IL1RAPL1: variants seen among roughly 807,000 people sequenced by gnomAD.
IL1RAPL1 encodes the protein interleukin 1 receptor accessory protein like 1.
IL1RAPL1 carries 3 observed loss-of-function variants against 48.4 expected under a neutral mutation model. The ratio of observed to expected loss-of-function variants is 0.06; its 90% CI spans 0.03 to 0.16. The LOEUF (loss-of-function observed/expected upper bound fraction) is 0.16, where lower values mean the gene tolerates loss of function less well. Among genes scored for constraint, IL1RAPL1 ranks in the 10% least tolerant of loss-of-function variants. IL1RAPL1 has a pLI of 1.00. For missense variants in IL1RAPL1, 349 were observed against 530.6 expected, an observed-to-expected ratio of 0.66 and a Z score of 3.36; for synonymous variants, 185 against 187.7, an observed-to-expected ratio of 0.99 and a Z score of 0.12.
At chrX:29,226,444 C>CTTTTTTTTT (rs57929074) in intron 2 of IL1RAPL1, among the ~76,000 whole-genome samples, 1 of 86,888 alleles carries the variant, frequency 1.2e-5, no homozygotes, top group Non-Finnish European at 2.2e-5. Flanking sequence ...TTCTTTCTTT[C>CTTTTTTTTT]TTTTTTTTTT....
chrX:29,752,515 G>A (rs773323589), intron 6 of IL1RAPL1, among the ~76,000 whole-genome samples: 2,493 of 78,450 alleles, frequency 0.032, 90 homozygotes, highest in African/African-American at 0.11. Context: ...AAAAAAAAAA[G>A]ACTTGATAGA....
At chrX:29,878,864 C>T (rs912920864) in intron 6 of IL1RAPL1, among the ~76,000 whole-genome samples, 3 of 111,446 alleles carry the variant, frequency 2.7e-5, no homozygotes, top group Non-Finnish European at 5.7e-5. Flanking sequence ...GTTAACTATA[C>T]ACTTACCATA....
At chrX:29,385,431 G>A (rs1218732672) in intron 3 of IL1RAPL1, among the ~76,000 whole-genome samples, 1 of 112,176 alleles carries the variant, frequency 8.9e-6, no homozygotes, top group Non-Finnish European at 1.9e-5. Context: ...TCCAGCCTGG[G>A]CAACAGAGCG....
chrX:29,384,748 G>A (rs1933753051), intron 3 of IL1RAPL1, among the ~76,000 whole-genome samples: 1 of 112,124 alleles, frequency 8.9e-6, no homozygotes, highest in African/African-American at 3.2e-5. Context: ...GGTGGATGGT[G>A]TAGTATATGT....
At chrX:29,939,491 G>A (rs1185006310) in intron 8 of IL1RAPL1, among the ~76,000 whole-genome samples, 1 of 111,842 alleles carries the variant, frequency 8.9e-6, no homozygotes, top group Non-Finnish European at 1.9e-5. Context: ...CACAGGATTA[G>A]CCGCTCACCC....
intron 2 of IL1RAPL1, among the ~76,000 whole-genome samples, chrX:28,845,922 C>T (rs1480969218): frequency 8.9e-6 from 1 of 111,820 alleles, no homozygotes; most frequent in Non-Finnish European, 1.9e-5. Context: ...AATGGATGAG[C>T]TTATTGTGTT....
intron 5 of IL1RAPL1, among the ~76,000 whole-genome samples, chrX:29,644,397 T>C (rs759611057): frequency 8.9e-6 from 1 of 111,967 alleles, no homozygotes; most frequent in Non-Finnish European, 1.9e-5. Context: ...AACAGATACA[T>C]TGTCTTCTGC....
At chrX:29,664,900 T>A (rs1307673310) in intron 5 of IL1RAPL1, among the ~76,000 whole-genome samples, 3 of 112,362 alleles carry the variant, frequency 2.7e-5, no homozygotes, top group African/African-American at 9.7e-5. Flanking sequence ...ATTAGTGTCC[T>A]TAAAATGTTC....
At chrX:28,802,368 G>A (rs971972365) in intron 2 of IL1RAPL1, among the ~76,000 whole-genome samples, 4 of 112,030 alleles carry the variant, frequency 3.6e-5, no homozygotes, top group Non-Finnish European at 7.5e-5. Flanking sequence ...CACCTTGCAT[G>A]GGAAATGTTG....
intron 1 of IL1RAPL1, among the ~76,000 whole-genome samples, chrX:28,720,476 T>C (rs1935558402): frequency 8.9e-6 from 1 of 112,370 alleles, no homozygotes; most frequent in South Asian, 3.7e-4. Context: ...TTTTTCCCTC[T>C]ACTCTTCCCC....
intron 3 of IL1RAPL1, among the ~76,000 whole-genome samples, chrX:29,308,944 C>G (rs746710637): frequency 1.9e-4 from 21 of 111,989 alleles, no homozygotes; most frequent in Non-Finnish European, 3.4e-4. Context: ...CTCAGGAAGT[C>G]CCCCATTGAA....
At chrX:29,852,227 G>A (rs1052600266) in intron 6 of IL1RAPL1, among the ~76,000 whole-genome samples, 28 of 112,334 alleles carry the variant, frequency 2.5e-4, no homozygotes, top group African/African-American at 7.4e-4. Flanking sequence ...TAAGATAACC[G>A]GCATCAATCA....
intron 5 of IL1RAPL1, among the ~76,000 whole-genome samples, chrX:29,562,148 A>G (rs1395471989): frequency 4.1e-5 from 4 of 98,437 alleles, no homozygotes; most frequent in African/African-American, 1.2e-4. Flanking sequence ...CTATCTATCT[A>G]TCTATCTATC....
At chrX:28,733,317 A>G (rs1935779201) in intron 1 of IL1RAPL1, among the ~76,000 whole-genome samples, 1 of 110,862 alleles carries the variant, frequency 9.0e-6, no homozygotes, top group African/African-American at 3.3e-5. Context: ...ATTTTTGTAT[A>G]CCATCCCCCA....
intron 3 of IL1RAPL1, among the ~76,000 whole-genome samples, chrX:29,391,758 A>G (rs968867217): frequency 4.5e-5 from 5 of 111,807 alleles, no homozygotes; most frequent in Non-Finnish European, 3.8e-5. Context: ...ATTATCATCT[A>G]TAGGTATATA....
chrX:29,020,394 C>G (rs1926336962), intron 2 of IL1RAPL1, among the ~76,000 whole-genome samples: 1 of 111,674 alleles, frequency 9.0e-6, no homozygotes. Context: ...AAATACTTAC[C>G]ATTGTGTTAC....
chrX:29,587,388 G>A (rs1923210518), intron 5 of IL1RAPL1, among the ~76,000 whole-genome samples: 1 of 109,265 alleles, frequency 9.2e-6, no homozygotes, highest in African/African-American at 3.3e-5. Context: ...CGGGGGGTTG[G>A]GGGGCATTGG....
chrX:29,842,213 C>G (rs1178902992), intron 6 of IL1RAPL1, among the ~76,000 whole-genome samples: 5 of 112,117 alleles, frequency 4.5e-5, no homozygotes, highest in Non-Finnish European at 3.8e-5. Context: ...TTTTCAGAAG[C>G]ATAAATATTA....
chrX:28,762,786 G>GCGCGCGCGCA (rs1366464632), intron 1 of IL1RAPL1, among the ~76,000 whole-genome samples: 5 of 63,001 alleles, frequency 7.9e-5, no homozygotes, highest in African/African-American at 2.5e-4. Flanking sequence ...GCACGCGCGC[G>GCGCGCGCGCA]CACACACACA....
Sources: allele counts gnomAD v4.1 joint callset (sites outside exome capture counted in the v4.1 genomes callset), GRCh38; gene constraint gnomAD v4.1.1; transcripts MANE v1.5; gene names NCBI Gene and HGNC (gene_info 2026-07-23, HGNC 2026-07-21).